MYO16: variants seen among roughly 807,000 people sequenced by gnomAD.
MYO16 encodes the protein myosin XVI.
A neutral mutation model predicts 205.3 loss-of-function variants in MYO16; 94 were observed. The observed-to-expected ratio is 0.46, with a 90% CI of 0.39 to 0.54. The LOEUF (loss-of-function observed/expected upper bound fraction) is 0.54, where lower values mean the gene tolerates loss of function less well. Among genes scored for constraint, MYO16 ranks in the 20% least tolerant of loss-of-function variants. The probability of loss-of-function intolerance (pLI) is 0.00; values close to 1 mark genes in which losing one functional copy is unlikely to be tolerated. For missense variants in MYO16, 2,315 were observed against 2,387.5 expected (o/e 0.97, Z 0.63); for synonymous variants, 988 against 954.0 (o/e 1.04, Z -0.66).
intron 2 of MYO16, among the ~76,000 whole-genome samples, chr13:108,675,404 AG>A (rs1882158328): frequency 6.6e-6 from 1 of 152,240 alleles, no homozygotes. Flanking sequence ...AAATTACAAA[AG>A]CTTGCAAATT....
intron 4 of MYO16, among the ~76,000 whole-genome samples, chr13:108,769,950 G>T (rs190624693): frequency 7.9e-5 from 12 of 152,244 alleles, no homozygotes; most frequent in Admixed American, 7.8e-4. Context: ...GGGAAATGTT[G>T]CCTAGATATA....
intron 21 of MYO16, among the ~76,000 whole-genome samples, chr13:109,007,617 A>T (rs190757486): frequency 1.3e-5 from 2 of 151,550 alleles, no homozygotes; most frequent in Admixed American, 1.3e-4. Flanking sequence ...GAAGTAGAAG[A>T]GTAGCCTAGA....
intron 16 of MYO16, among the ~76,000 whole-genome samples, chr13:108,918,084 A>G (rs1031160765): frequency 1.3e-5 from 2 of 152,262 alleles, no homozygotes; most frequent in African/African-American, 4.8e-5. Flanking sequence ...ATGATTCCAT[A>G]TAGTAAAGGA....
intron 1 of MYO16, among the ~76,000 whole-genome samples, chr13:108,610,398 A>G (rs1414933032): frequency 6.6e-6 from 1 of 152,030 alleles, no homozygotes; most frequent in East Asian, 1.9e-4. Flanking sequence ...TTTTTCTTGT[A>G]CTGTACTTCA....
chr13:108,967,562 C>T (rs1213489611), intron 20 of MYO16, among the ~76,000 whole-genome samples: 2 of 152,096 alleles, frequency 1.3e-5, no homozygotes, highest in East Asian at 3.9e-4. Flanking sequence ...AGTGCTTGGC[C>T]CGGACCCTGC....
At chr13:108,987,388 C>A (rs1471766159) in intron 20 of MYO16, among the ~76,000 whole-genome samples, 3 of 152,178 alleles carry the variant, frequency 2.0e-5, no homozygotes, top group Non-Finnish European at 4.4e-5. Context: ...TTCTTCCCCC[C>A]AAGTTTCTCT....
intron 20 of MYO16, among the ~76,000 whole-genome samples, chr13:108,986,480 T>C (rs1884638487): frequency 6.6e-6 from 1 of 151,584 alleles, no homozygotes; most frequent in Non-Finnish European, 1.5e-5. Context: ...AAATTAGCTG[T>C]GTGTGGTGGC....
rs1878576845 is a variant in MYO16, at chr13:109,165,004, A to G, written c.5268A>G (p.Leu1756=). ...ATGCAAATAACCATGGAATTCAGTT[A>G]TCTAATTCACTATCTAGTGCTATAA... ...DRNANNHGIQ[L]SNSLSSAITA... The change falls in exon 33 of 35, where the codon TTA becomes TTG. Residue 1756 remains leucine, a synonymous_variant. Transcript: ENST00000457511. 6.2e-7 allele frequency: 1 copy of G among 1,603,492 alleles called. No individual in the cohort carries two copies. Among genetic ancestry groups the G allele is most frequent in the African/African-American group, 1.3e-5 (1 of 74,408 alleles).
chr13:109,191,075 C>T (rs539497375), intron 34 of MYO16, among the ~76,000 whole-genome samples: 6 of 151,886 alleles, frequency 4.0e-5, no homozygotes, highest in East Asian at 1.9e-4. Flanking sequence ...AAAAATTAGC[C>T]GGGCATCGTG....
At chr13:108,796,083 G>A (rs1886780286) in intron 6 of MYO16, among the ~76,000 whole-genome samples, 1 of 152,180 alleles carries the variant, frequency 6.6e-6, no homozygotes, top group Non-Finnish European at 1.5e-5. Flanking sequence ...TCAGCAGGGA[G>A]GGAGAGGCGC....
intron 23 of MYO16, among the ~76,000 whole-genome samples, chr13:109,044,879 G>T (rs1886989808): frequency 6.6e-6 from 1 of 152,042 alleles, no homozygotes; most frequent in Non-Finnish European, 1.5e-5. Context: ...TAGTAGAGAT[G>T]GGGTTTCACT....
chr13:108,875,115 T>C (rs1879263689), intron 12 of MYO16, among the ~76,000 whole-genome samples: 1 of 152,192 alleles, frequency 6.6e-6, no homozygotes, highest in Admixed American at 6.5e-5. Flanking sequence ...CTAGAGTCCA[T>C]CTAAGATTAG....
chr13:109,044,193 C>G (rs1316010297), intron 23 of MYO16, among the ~76,000 whole-genome samples: 2 of 152,046 alleles, frequency 1.3e-5, no homozygotes, highest in African/African-American at 4.8e-5. Context: ...ATGCTAAGCC[C>G]TAAGTTTCAG....
intron 21 of MYO16, among the ~76,000 whole-genome samples, chr13:108,995,139 G>A (rs1015246149): frequency 3.3e-5 from 5 of 152,168 alleles, no homozygotes; most frequent in African/African-American, 4.8e-5. Context: ...GAAATTTATC[G>A]CTCACAGTTC....
Position 108,691,697 on chromosome 13 carries a change from G to A in MYO16, c.293-20964G>A, listed in dbSNP as rs368683943. ...TGTAAAATAAGGATTCACTTCGTCT[G>A]AATTCAAGGGGATACAGGATGTACT... On this transcript the variant is annotated intron_variant, in intron 2 of 34. Coordinates refer to ENST00000457511, the MANE Select transcript of MYO16 (RefSeq NM_001198950.3). 1.3e-4 allele frequency among the ~76,000 whole-genome samples: 20 copies of A among 152,220 alleles called. No individual in the cohort carries two copies. The East Asian group carries it at 3.7e-3, about 28-fold the overall frequency.
intron 4 of MYO16, among the ~76,000 whole-genome samples, chr13:108,745,600 A>T (rs1232260354): frequency 6.6e-6 from 1 of 152,166 alleles, no homozygotes; most frequent in Non-Finnish European, 1.5e-5. Context: ...CCTAGACCTA[A>T]TGACCTCAGT....
the MYO16 span, among the ~76,000 whole-genome samples, chr13:108,535,345 T>C: frequency 6.6e-6 from 1 of 152,152 alleles, no homozygotes; most frequent in Admixed American, 6.6e-5. Flanking sequence ...TTATTTTTCT[T>C]TCCTATCTGT....
intron 31 of MYO16, among the ~76,000 whole-genome samples, chr13:109,132,859 G>A (rs778911904): frequency 1.3e-5 from 2 of 152,188 alleles, no homozygotes; most frequent in Non-Finnish European, 2.9e-5. Context: ...GGATCTGACA[G>A]ACCAGTAGGA....
intron 20 of MYO16, among the ~76,000 whole-genome samples, chr13:108,986,651 G>T (rs1300051541): frequency 1.4e-5 from 2 of 146,166 alleles, no homozygotes; most frequent in East Asian, 2.1e-4. Flanking sequence ...AAAAAAGATA[G>T]TATTCAGGCT....
Sources: gnomAD v4.1 joint callset for allele counts (sites outside exome capture counted in the v4.1 genomes callset) on GRCh38, gnomAD v4.1.1 for gene constraint, MANE v1.5 for transcripts, NCBI Gene and HGNC (gene_info 2026-07-23, HGNC 2026-07-21) for gene names.